The following PCDH15 variants were observed in gnomAD, a reference collection of about 807,000 sequenced individuals.
The protein encoded by PCDH15 is protocadherin related 15, also known as protocadherin-15.
PCDH15 carries 129 observed loss-of-function variants against 178.5 expected under a neutral mutation model. That is an observed-to-expected ratio of 0.72 (90% CI 0.63 to 0.84). The LOEUF (loss-of-function observed/expected upper bound fraction) is 0.84, where lower values mean the gene tolerates loss of function less well. PCDH15 is among the 40% of genes least tolerant of loss of function. PCDH15 has a pLI of 0.00. For synonymous variants in PCDH15, 800 were observed against 732.0 expected (o/e 1.09, Z -1.50); for missense variants, 2,230 against 2,099.9 (o/e 1.06, Z -1.21).
chr10:55,530,197 G>A (rs1269774900), intron 2 of PCDH15, among the ~76,000 whole-genome samples: 1 of 151,788 alleles, frequency 6.6e-6, no homozygotes, highest in Non-Finnish European at 1.5e-5. Flanking sequence ...CGGCTTTTGA[G>A]CAGAACCCCT....
intron 20 of PCDH15, among the ~76,000 whole-genome samples, chr10:54,017,688 T>C (rs1425840257): frequency 6.6e-6 from 1 of 152,096 alleles, no homozygotes; most frequent in Non-Finnish European, 1.5e-5. Flanking sequence ...AATTATTGGG[T>C]ACTATATTCA....
chr10:54,048,177 C>T (rs1356295043), intron 18 of PCDH15, among the ~76,000 whole-genome samples: 2 of 151,948 alleles, frequency 1.3e-5, no homozygotes, highest in Non-Finnish European at 2.9e-5. Context: ...ATCATTTTTT[C>T]ATTTGTTTGT....
At chr10:55,284,479 G>T (rs1842815156) in intron 1 of PCDH15, among the ~76,000 whole-genome samples, 1 of 152,034 alleles carries the variant, frequency 6.6e-6, no homozygotes, top group African/African-American at 2.4e-5. Flanking sequence ...AAAAGAATGA[G>T]TTATGGTCAT....
chr10:53,852,744 A>AT (rs1041628546), intron 28 of PCDH15, among the ~76,000 whole-genome samples: 10 of 151,060 alleles, frequency 6.6e-5, no homozygotes, highest in African/African-American at 2.5e-4. Context: ...TGCCTAAAAT[A>AT]TTGGTCTACC....
At chr10:55,551,145 C>T (rs1841995772) in intron 2 of PCDH15, among the ~76,000 whole-genome samples, 1 of 151,974 alleles carries the variant, frequency 6.6e-6, no homozygotes, top group African/African-American at 2.4e-5. Flanking sequence ...ACTTATTATA[C>T]TAAGAATAGT....
intron 2 of PCDH15, among the ~76,000 whole-genome samples, chr10:55,004,223 A>T (rs1839868858): frequency 6.6e-6 from 1 of 152,160 alleles, no homozygotes; most frequent in South Asian, 2.1e-4. Context: ...CTGGGTGGAC[A>T]GTGGCCACCC....
chr10:54,330,524 A>C (rs1939275888), intron 6 of PCDH15, among the ~76,000 whole-genome samples: 1 of 151,928 alleles, frequency 6.6e-6, no homozygotes, highest in Admixed American at 6.6e-5. Context: ...TATGCAGAGC[A>C]TGACTGCGTG....
At chr10:54,310,766 C>T (rs901882927) in intron 8 of PCDH15, among the ~76,000 whole-genome samples, 3 of 151,768 alleles carry the variant, frequency 2.0e-5, no homozygotes, top group Admixed American at 6.6e-5. Flanking sequence ...AAAAGAATTA[C>T]AAAAGAGAGA....
At chr10:54,879,182 T>TTGTGTGTGTG (rs5785100) in intron 3 of PCDH15, among the ~76,000 whole-genome samples, 3 of 149,032 alleles carry the variant, frequency 2.0e-5, no homozygotes, top group African/African-American at 7.4e-5. Context: ...CACGTGCTGT[T>TTGTGTGTGTG]TGTGTGTGTG....
chr10:54,524,420 G>C (rs1176601963), intron 3 of PCDH15, among the ~76,000 whole-genome samples: 4 of 152,116 alleles, frequency 2.6e-5, no homozygotes, highest in African/African-American at 9.7e-5. Context: ...GTACACTTCG[G>C]CAGATTCTGA....
chr10:55,600,462 T>C (rs1166800744), intron 2 of PCDH15, among the ~76,000 whole-genome samples: 2 of 152,112 alleles, frequency 1.3e-5, no homozygotes, highest in East Asian at 1.9e-4. Flanking sequence ...TTATTACACA[T>C]TGACCCAATA....
intron 1 of PCDH15, among the ~76,000 whole-genome samples, chr10:54,716,450 T>C (rs1156606597): frequency 2.0e-5 from 3 of 152,154 alleles, no homozygotes; most frequent in Non-Finnish European, 2.9e-5. Context: ...CAGTGGTTTG[T>C]AGTTCTCCTT....
At chr10:55,401,450 A>T (rs1838062262) in intron 2 of PCDH15, among the ~76,000 whole-genome samples, 1 of 152,060 alleles carries the variant, frequency 6.6e-6, no homozygotes, top group Non-Finnish European at 1.5e-5. Flanking sequence ...TAGTGTTGTG[A>T]TCCTGTCCAC....
chr10:54,644,563 A>G (rs776664607), intron 2 of PCDH15, among the ~76,000 whole-genome samples: 1 of 152,042 alleles, frequency 6.6e-6, no homozygotes, highest in Non-Finnish European at 1.5e-5. Flanking sequence ...AAAGTACTTT[A>G]TCTTAAGCTT....
At position 54,307,132 on chromosome 10, in the gene PCDH15, A is replaced by G. The variant is rs1355873680; in HGVS notation, c.876+10139T>C. 1.9e-4 allele frequency among the ~76,000 whole-genome samples: 15 copies of G among 78,678 alleles called. 1 individual carries two copies. The highest frequency in any genetic ancestry group is 3.3e-4 in the Non-Finnish European group (14 of 42,628). 51.6% of individuals were successfully genotyped at this position (78,678 alleles called of 152,430 possible). On this transcript the variant is annotated intron_variant, in intron 8 of 37. Transcript: ENST00000644397. ...TATATATATATATATATATATATAT[A>G]TATATATATATATATATAAAATTGC...
At chr10:53,821,441 T>A in intron 32 of PCDH15, 5 of 1,014,096 alleles carry the variant, frequency 4.9e-6, no homozygotes, top group Non-Finnish European at 4.7e-6. Flanking sequence ...ATATCAGTTT[T>A]AACTTATTTG....
intron 2 of PCDH15, among the ~76,000 whole-genome samples, chr10:54,590,617 C>A (rs984405784): frequency 6.6e-6 from 1 of 152,112 alleles, no homozygotes; most frequent in Non-Finnish European, 1.5e-5. Context: ...AGTAGCACAA[C>A]ACTAGATGCT....
chr10:55,590,250 G>C (rs1262376143), intron 2 of PCDH15, among the ~76,000 whole-genome samples: 1 of 147,932 alleles, frequency 6.8e-6, no homozygotes, highest in Non-Finnish European at 1.5e-5. Flanking sequence ...ACTCATAGGT[G>C]GGAATTGAAC....
In PCDH15 at chr10:55,341,805, A is replaced by ATT. The variant is rs869187882; in HGVS notation, c.-155-175156_-155-175155dup. ...TATATATATATATATATATATATATATTTTTTTTTTTTTTTTTTTTTTTTT... is the reference window on the plus strand; with the variant it reads ...TATATATATATATATATATATATATATTTTTTTTTTTTTTTTTTTTTTTTTTT... On this transcript the variant is annotated intron_variant, in intron 2 of 5. Coordinates refer to the PCDH15 transcript ENST00000613346. Among the ~76,000 whole-genome samples, 79 of 16,280 alleles carry ATT rather than the reference A, an allele frequency of 4.9e-3. 1 individual carries two copies. The highest frequency in any genetic ancestry group is 7.4e-3 in the Admixed American group (7 of 946). The allele number at this position is 16,280 out of a possible 152,430, so 10.7% of individuals were successfully genotyped here. A position where few individuals can be genotyped will look rare whatever the true frequency, so the allele number is the denominator to read the frequency against.
Sources: gnomAD v4.1 joint callset for allele counts (sites outside exome capture counted in the v4.1 genomes callset) on GRCh38, gnomAD v4.1.1 for gene constraint, MANE v1.5 for transcripts, NCBI Gene and HGNC (gene_info 2026-07-23, HGNC 2026-07-21) for gene names.